Variants in MICU3 observed in about 807,000 individuals in gnomAD.
MICU3 encodes the protein calcium uptake protein 3, mitochondrial.
In MICU3, 62 loss-of-function variants were observed where a neutral mutation model predicts 66.5. That is an observed-to-expected ratio of 0.93 (90% CI 0.76 to 1.15). The LOEUF (loss-of-function observed/expected upper bound fraction) is 1.15. MICU3 is among the 50% of genes most tolerant of loss of function. The pLI is 0.00. For synonymous variants in MICU3, 308 were observed against 240.7 expected (o/e 1.28, Z -2.59); for missense variants, 779 against 664.4 (o/e 1.17, Z -1.90).
At chr8:17,081,878 A>G in intron 5 of MICU3, 138 bp downstream of exon 5, 1 of 566,320 alleles carries the variant, frequency 1.8e-6, no homozygotes, top group Non-Finnish European at 3.3e-6. Flanking sequence ...ATGCTACAGA[A>G]AAATGCTAAG....
chr8:17,117,832 G>A (rs1802829842), intron 13 of MICU3, among the ~76,000 whole-genome samples: 1 of 152,056 alleles, frequency 6.6e-6, no homozygotes. Flanking sequence ...ATGGTCTCAA[G>A]CTCCTGACCT....
At chr8:17,135,395 C>CA in the MICU3 span, among the ~76,000 whole-genome samples, 866 of 128,198 alleles carry the variant, frequency 6.8e-3, 3 homozygotes, top group African/African-American at 0.016. Context: ...AAGACTGTCT[C>CA]AAAAAAAAAA....
intron 7 of MICU3, among the ~76,000 whole-genome samples, chr8:17,088,824 G>A (rs527444871): frequency 1.9e-3 from 286 of 151,990 alleles, no homozygotes; most frequent in African/African-American, 6.5e-3. Flanking sequence ...GGCTCTGAGC[G>A]TCACTGCAGC....
In MICU3 at chr8:17,027,726, C is replaced by G; in HGVS notation, c.381+66C>G. On this transcript the variant is annotated intron_variant, in intron 1 of 14. Transcript: ENST00000318063. ...GACCTTCGTGCCGGGTACGCAGGAC[C>G]CTGGAGGCTGTGGGGACGGTGCAAG... The G allele has an allele frequency of 3.2e-6, 4 of 1,256,018 alleles. No individual in the cohort carries two copies. The South Asian group carries it at 1.3e-4, about 41-fold the overall frequency. The allele number at this position is 1,256,018 out of a possible 1,614,324, so 77.8% of individuals were successfully genotyped here.
intron 3 of MICU3, among the ~76,000 whole-genome samples, chr8:17,076,431 T>C (rs1156691880): frequency 2.0e-5 from 3 of 152,204 alleles, no homozygotes; most frequent in Non-Finnish European, 4.4e-5. Context: ...AATTCGGACC[T>C]GAATTATTCT....
At chr8:17,029,122 G>C (rs1296140506) in intron 1 of MICU3, among the ~76,000 whole-genome samples, 1 of 152,160 alleles carries the variant, frequency 6.6e-6, no homozygotes, top group Non-Finnish European at 1.5e-5. Flanking sequence ...GGTGTTATGA[G>C]AGTTAAATGA....
intron 11 of MICU3, among the ~76,000 whole-genome samples, chr8:17,108,559 C>T (rs760145706): frequency 1.1e-4 from 16 of 152,102 alleles, no homozygotes; most frequent in Non-Finnish European, 1.5e-4. Context: ...TCCCTCTTTT[C>T]ACATTCTACG....
intron 7 of MICU3, 44 bp downstream of exon 7, chr8:17,087,079 C>T (rs1466725197): frequency 2.5e-6 from 3 of 1,202,178 alleles, no homozygotes; most frequent in Non-Finnish European, 2.4e-6. Context: ...TTGTAGGCAA[C>T]AATTATTTTA....
chr8:17,081,568 A>G, intron 4 of MICU3, 125 bp from the exon 5 acceptor site: 1 of 355,572 alleles, frequency 2.8e-6, no homozygotes, highest in Non-Finnish European at 5.2e-6. Context: ...TTATGATTTT[A>G]TAATAATGAT....
rs3988378 is a variant in MICU3 at position 17,096,955 on chromosome 8, T to TTGTGTGTGTGTG, written c.889-1472_889-1461dup. On this transcript the variant is annotated intron_variant, in intron 8 of 14. Transcript: ENST00000318063. ...AGTTCTTAATACGTTCTAAATATATTTGTGTGTGTGTGTGTGTGTGTGTGT... is the reference window on the plus strand; with the variant it reads ...AGTTCTTAATACGTTCTAAATATATTTGTGTGTGTGTGTGTGTGTGTGTGTGTGTGTGTGTGT... Among the ~76,000 whole-genome samples, 358 of 141,642 alleles carry TTGTGTGTGTGTG rather than the reference T, an allele frequency of 2.5e-3. 1 individual carries two copies. Among genetic ancestry groups the TTGTGTGTGTGTG allele is most frequent in the Middle Eastern group, 7.0e-3 (2 of 284 alleles). 92.9% of individuals were successfully genotyped at this position (141,642 alleles called of 152,430 possible).
At chr8:17,027,817 T>G (rs1281450705) in intron 1 of MICU3, among the ~76,000 whole-genome samples, 157 bp downstream of exon 1, 1 of 152,150 alleles carries the variant, frequency 6.6e-6, no homozygotes, top group Non-Finnish European at 1.5e-5. Context: ...CAGCCTAGGA[T>G]CCGGTCACCC....
At chr8:17,047,340 A>C (rs931019351) in intron 1 of MICU3, among the ~76,000 whole-genome samples, 1 of 152,196 alleles carries the variant, frequency 6.6e-6, no homozygotes, top group African/African-American at 2.4e-5. Flanking sequence ...AGATATGTCA[A>C]ATATTATGAA....
At chr8:17,090,829 A>G (rs1266395317) in intron 8 of MICU3, 2 of 339,464 alleles carry the variant, frequency 5.9e-6, no homozygotes, top group African/African-American at 2.1e-5. Flanking sequence ...AGGTAAGTGT[A>G]CAACAATTAA....
At chr8:17,083,146 A>G (rs1821442338) in intron 5 of MICU3, among the ~76,000 whole-genome samples, 4 of 152,004 alleles carry the variant, frequency 2.6e-5, no homozygotes, top group Admixed American at 1.3e-4. Flanking sequence ...CAAAGATGAA[A>G]TCATAGGGAG....
intron 1 of MICU3, among the ~76,000 whole-genome samples, chr8:17,057,881 T>C (rs1817192928): frequency 6.6e-6 from 1 of 152,004 alleles, no homozygotes; most frequent in African/African-American, 2.4e-5. Flanking sequence ...GAGTTTCACT[T>C]TTGTTGCCCA....
chr8:17,119,044 A>T (rs1000321328), intron 14 of MICU3, among the ~76,000 whole-genome samples: 3 of 152,188 alleles, frequency 2.0e-5, no homozygotes, highest in Non-Finnish European at 2.9e-5. Flanking sequence ...TTTTAGGATC[A>T]TGATTCTGAG....
chr8:17,033,923 C>G (rs1004752409), intron 1 of MICU3, among the ~76,000 whole-genome samples: 4 of 152,086 alleles, frequency 2.6e-5, no homozygotes, highest in Admixed American at 2.6e-4. Flanking sequence ...GCTAGGATAA[C>G]TGATGAAGGT....
In MICU3 at chr8:17,067,435, T is replaced by TC. The variant is rs1818891431; in HGVS notation, c.536-2253_536-2252insC. On this transcript the variant is annotated intron_variant, in intron 2 of 14. Transcript: ENST00000318063. ...CATCAGAATTCATAGCCATGATTTTTTTTTTTTTTCCCCAAGAGGAGACTC... is the reference window on the plus strand; with the variant it reads ...CATCAGAATTCATAGCCATGATTTTTCTTTTTTTTTCCCCAAGAGGAGACTC... Among the ~76,000 whole-genome samples the TC allele has an allele frequency of 2.0e-5, 3 of 152,226 alleles. No homozygotes were observed. The South Asian group carries it at 6.2e-4, about 32-fold the overall frequency.
At chr8:17,058,188 AC>A (rs1270692441) in intron 1 of MICU3, among the ~76,000 whole-genome samples, 1 of 152,220 alleles carries the variant, frequency 6.6e-6, no homozygotes, top group East Asian at 1.9e-4. Context: ...TGCCAAAAGT[AC>A]CATTTACTGA....
Sources: allele counts gnomAD v4.1 joint callset (sites outside exome capture counted in the v4.1 genomes callset), GRCh38; gene constraint gnomAD v4.1.1; transcripts MANE v1.5; gene names NCBI Gene and HGNC (gene_info 2026-07-23, HGNC 2026-07-21).